The following UVSSA variants were observed in gnomAD, a reference collection of about 807,000 sequenced individuals.
UVSSA encodes UV stimulated scaffold protein A.
In UVSSA, 72 loss-of-function variants were observed where a neutral mutation model predicts 73.9. The ratio of observed to expected loss-of-function variants is 0.97; its 90% CI spans 0.81 to 1.19. The LOEUF is 1.19. UVSSA is among the 50% of genes most tolerant of loss of function. UVSSA has a pLI of 0.00. For missense variants in UVSSA, 1,150 were observed against 965.0 expected, an observed-to-expected ratio of 1.19 and a Z score of -2.54; for synonymous variants, 454 against 391.3, an observed-to-expected ratio of 1.16 and a Z score of -1.89.
chr4:1,370,165 T>G (rs1177312809), intron 8 of UVSSA, among the ~76,000 whole-genome samples: 1 of 152,064 alleles, frequency 6.6e-6, no homozygotes, highest in Non-Finnish European at 1.5e-5. Flanking sequence ...CTTGTAACTC[T>G]TAGGAATTCT....
In UVSSA at chr4:1,347,216, C is replaced by A. The variant is rs982145643; in HGVS notation, c.-547C>A. On this transcript the variant is annotated 5_prime_UTR_variant, in exon 1 of 14. Coordinates refer to ENST00000389851, the MANE Select transcript of UVSSA (RefSeq NM_020894.4). ...GCCGGAAGGGGCGGGGCGAGGCGAGCGGCCGCGTCAGCGGTAGGTGGGGCT... is the reference window on the plus strand; with the variant it reads ...GCCGGAAGGGGCGGGGCGAGGCGAGAGGCCGCGTCAGCGGTAGGTGGGGCT... The A allele has an allele frequency of 6.6e-6, 1 of 152,168 alleles. No individual in the cohort carries two copies. The highest frequency in any genetic ancestry group is 2.4e-5 in the African/African-American group (1 of 41,402). 9.4% of individuals were successfully genotyped at this position (152,168 alleles called of 1,614,324 possible).
chr4:1,371,347 G>GT (rs148775871), intron 8 of UVSSA, among the ~76,000 whole-genome samples: 2,070 of 152,038 alleles, frequency 0.014, 50 homozygotes, highest in African/African-American at 0.047. Flanking sequence ...GGTGGCCTCT[G>GT]TTTTTGACGC....
intron 8 of UVSSA, among the ~76,000 whole-genome samples, chr4:1,370,561 G>A (rs564400510): frequency 6.2e-4 from 95 of 152,382 alleles, no homozygotes; most frequent in Admixed American, 1.1e-3. Context: ...GCTCCCGAGC[G>A]GGACAGGCAC....
rs1179857739 is a variant in UVSSA at position 1,380,226 on chromosome 4, T to G, written c.1748T>G (p.Leu583Arg). 6.2e-7 allele frequency: 1 copy of G among 1,610,292 alleles called. No individual in the cohort carries two copies. Among genetic ancestry groups the G allele is most frequent in the African/African-American group, 1.3e-5 (1 of 74,974 alleles). ...CGGCTCTGTGAGCGCCAAGACCGGC[T>G]GAAGGTGAGGCCGTGGCCCGAGGGC... The part of the protein sequence containing the change: ...DGRLCERQDR[L>R]KCPFHGKIVP... The change falls in exon 11 of 14, where the codon CTG becomes CGG. Residue 583 changes from leucine (L) to arginine (R), a missense_variant. Coordinates refer to ENST00000389851, the MANE Select transcript of UVSSA (RefSeq NM_020894.4).
At chr4:1,370,562 G>A (rs887887772) in intron 8 of UVSSA, among the ~76,000 whole-genome samples, 1 of 152,270 alleles carries the variant, frequency 6.6e-6, no homozygotes, top group Non-Finnish European at 1.5e-5. Flanking sequence ...CTCCCGAGCG[G>A]GACAGGCACC....
intron 8 of UVSSA, among the ~76,000 whole-genome samples, chr4:1,374,611 G>A (rs1332572055): frequency 6.6e-6 from 1 of 152,224 alleles, no homozygotes; most frequent in Non-Finnish European, 1.5e-5. Context: ...TTGTCTTGCT[G>A]GCGGCGGGGC....
rs1400664547 is a variant in UVSSA, at chr4:1,372,750, TGCACTCACCTCCCGCGTCTCAGG to T, written c.1289-2595_1289-2573del. On this transcript the variant is annotated intron_variant, in intron 8 of 13. Transcript: ENST00000389851. Reference sequence around the variant, plus strand: ...ACTCAGCACTCACCTCCCGCGTCCCTGCACTCACCTCCCGCGTCTCAGGGCACTCACCTCCCGCGTCCCTGCAC... The same window carrying T: ...ACTCAGCACTCACCTCCCGCGTCCCTGCACTCACCTCCCGCGTCCCTGCAC... Among the ~76,000 whole-genome samples, 445 of 53,550 alleles carry T rather than the reference TGCACTCACCTCCCGCGTCTCAGG, an allele frequency of 8.3e-3. 62 individuals carry two copies. The highest frequency in any genetic ancestry group is 0.017 in the African/African-American group (403 of 23,364). The allele number at this position is 53,550 out of a possible 152,430, so 35.1% of individuals were successfully genotyped here.
chr4:1,394,256 C>T, exon 14 of UVSSA: 2 of 735,570 alleles, frequency 2.7e-6, no homozygotes, highest in Non-Finnish European at 4.3e-6. Flanking sequence ...CATCTCGTTC[C>T]TCAGATCTTC....
At chr4:1,360,933 C>T (rs1236745818) in intron 7 of UVSSA, among the ~76,000 whole-genome samples, 1 of 152,218 alleles carries the variant, frequency 6.6e-6, no homozygotes, top group East Asian at 1.9e-4. Flanking sequence ...GAACCAGGCC[C>T]ACAACCTCTG....
intron 13 of UVSSA, chr4:1,385,517 C>T (rs1354589564): frequency 2.6e-5 from 8 of 308,934 alleles, no homozygotes; most frequent in Non-Finnish European, 4.4e-5. Flanking sequence ...GCATCTCCTG[C>T]GAGGCCGCTC....
chr4:1,353,682 C>T (rs1418802734), intron 5 of UVSSA, among the ~76,000 whole-genome samples: 1 of 152,208 alleles, frequency 6.6e-6, no homozygotes, highest in African/African-American at 2.4e-5. Context: ...TAAGGACCCA[C>T]AGGATTGGGG....
At position 1,385,970 on chromosome 4, in the gene UVSSA, GC is replaced by G. The variant is rs1720076945; in HGVS notation, c.*12del. Reference sequence around the variant, plus strand: ...ACTACGCACTGAACTAGAGAGCGGGGCCCAGTGCACTGGCCATCAGCACTTT... The same window carrying G: ...ACTACGCACTGAACTAGAGAGCGGGGCCAGTGCACTGGCCATCAGCACTTT... On this transcript the variant is annotated 3_prime_UTR_variant, in exon 14 of 14. Transcript: ENST00000389851. 1 of 1,613,832 alleles carries G rather than the reference GC, an allele frequency of 6.2e-7. No homozygotes were observed. The highest frequency in any genetic ancestry group is 1.3e-5 in the African/African-American group (1 of 75,056).
rs1713853425 is a variant in UVSSA, at chr4:1,347,371, C to A, written c.-392C>A. On this transcript the variant is annotated 5_prime_UTR_variant, in exon 1 of 14. Transcript: ENST00000389851. The stretch of plus-strand genomic sequence containing the variant: ...CCGGCGGCGGGGCCGGAGGGCGGGC[C>A]CTGGGCCGAGTGACAGGCCGCAGCC... The A allele has an allele frequency of 6.6e-6, 1 of 152,210 alleles. No individual in the cohort carries two copies. Among genetic ancestry groups the A allele is most frequent in the Non-Finnish European group, 1.5e-5 (1 of 68,076 alleles). 9.4% of individuals were successfully genotyped at this position (152,210 alleles called of 1,614,324 possible).
At chr4:1,395,967 C>T in exon 14 of UVSSA, 2 of 1,491,180 alleles carry the variant, frequency 1.3e-6, no homozygotes, top group Non-Finnish European at 1.8e-6. Flanking sequence ...TTCATGGATG[C>T]TGATTAAAAG....
intron 8 of UVSSA, among the ~76,000 whole-genome samples, chr4:1,368,746 C>T (rs941992818): frequency 6.6e-6 from 1 of 152,244 alleles, no homozygotes; most frequent in African/African-American, 2.4e-5. Context: ...GTTGTGAAGG[C>T]ACCTCCAGAT....
At chr4:1,375,216 G>T (rs917726752) in intron 8 of UVSSA, 148 bp from the exon 9 acceptor site, 7 of 1,327,710 alleles carry the variant, frequency 5.3e-6, no homozygotes, top group Middle Eastern at 2.6e-4. Flanking sequence ...ACCCTCGCCC[G>T]TGAGGAGCAG....
exon 14 of UVSSA, chr4:1,394,335 G>C (rs1720470529): frequency 8.9e-7 from 1 of 1,129,284 alleles, no homozygotes; most frequent in Non-Finnish European, 1.2e-6. Context: ...TACTTAGAAT[G>C]CTCTTCCCCC....
chr4:1,381,001 A>G lies in UVSSA; in HGVS notation c.1861+13A>G, dbSNP rs28733902. 1,118,481 of 1,608,842 alleles carry G rather than the reference A, an allele frequency of 0.7. 391,662 individuals carry two copies. Among genetic ancestry groups the G allele is most frequent in the African/African-American group, 0.9 (67,495 of 74,976 alleles). On this transcript the variant is annotated intron_variant, in intron 12 of 13. Coordinates refer to ENST00000389851, the MANE Select transcript of UVSSA (RefSeq NM_020894.4). ...CAGGAGCGCCCGGGTAGGTCTGGGC[A>G]AGGCGGTCACCGTGGGAGGCACAGC...
downstream of UVSSA, chr4:1,390,429 G>C (rs1346719646): frequency 6.6e-6 from 1 of 152,310 alleles, no homozygotes; most frequent in South Asian, 2.1e-4. Flanking sequence ...ACAGGCATGA[G>C]CCACCAAGCC....
Sources: allele counts gnomAD v4.1 joint callset (sites outside exome capture counted in the v4.1 genomes callset), GRCh38; gene constraint gnomAD v4.1.1; transcripts MANE v1.5; gene names NCBI Gene and HGNC (gene_info 2026-07-23, HGNC 2026-07-21).